SPRR2B: variants seen among roughly 807,000 people sequenced by gnomAD.
SPRR2B encodes small proline rich protein 2B, also known as small proline-rich protein 2B.
Under a neutral mutation model 1.0 loss-of-function variants are expected in SPRR2B, and 1 was observed. The observed-to-expected ratio is 1.01, with a 90% CI of 0.36 to 4.77. SPRR2B has a LOEUF of 4.77. Among genes scored for constraint, SPRR2B ranks in the 30% most tolerant of loss-of-function variants. The pLI is 0.16. For synonymous variants in SPRR2B, 27 were observed against 33.4 expected, an observed-to-expected ratio of 0.81 and a Z score of 0.66; for missense variants, 53 against 88.7, an observed-to-expected ratio of 0.60 and a Z score of 1.62.
chr1:153,087,718 A>G, the SPRR2B span, among the ~76,000 whole-genome samples: 1 of 152,168 alleles, frequency 6.6e-6, no homozygotes, highest in African/African-American at 2.4e-5. Context: ...TTGTGAAAGG[A>G]CCAATAATGA....
chr1:153,070,702 T>C lies in SPRR2B; in HGVS notation c.138A>G (p.Pro46=), dbSNP rs561294355. The change falls in exon 2 of 2, where the codon CCA becomes CCG. Residue 46 remains proline (P), a synonymous_variant. Transcript: ENST00000368755. ...GATATTTCTGCTGGCACTGCTGAGGTGGGCAGGGCTGTGGACACTTTGGTG... is the reference window on the plus strand; with the variant it reads ...GATATTTCTGCTGGCACTGCTGAGGCGGGCAGGGCTGTGGACACTTTGGTG... ...CPPPKCPQPC[P]PQQCQQKYPP... 1 of 1,610,646 alleles carries C rather than the reference T, an allele frequency of 6.2e-7. No individual in the cohort carries two copies. Among genetic ancestry groups the C allele is most frequent in the South Asian group, 1.1e-5 (1 of 90,784 alleles).
the SPRR2B span, among the ~76,000 whole-genome samples, chr1:153,084,528 C>G: frequency 7.0e-4 from 107 of 152,230 alleles, 1 homozygote; most frequent in Non-Finnish European, 1.2e-3. Context: ...AGCACCCTAC[C>G]CACATACCAA....
chr1:153,081,409 T>G, the SPRR2B span, among the ~76,000 whole-genome samples: 1 of 152,198 alleles, frequency 6.6e-6, no homozygotes, highest in Admixed American at 6.5e-5. Flanking sequence ...CTTAAAGCCC[T>G]AAAATAAAAC....
chr1:153,080,620 C>G, the SPRR2B span, among the ~76,000 whole-genome samples: 60,019 of 151,868 alleles, frequency 0.4, 12,283 homozygotes, highest in Non-Finnish European at 0.46. Flanking sequence ...AAAATTTGTA[C>G]AGTAAAGGCT....
the SPRR2B span, among the ~76,000 whole-genome samples, chr1:153,083,583 C>T: frequency 6.6e-6 from 1 of 152,140 alleles, no homozygotes; most frequent in African/African-American, 2.4e-5. Context: ...CAAGAGAAGA[C>T]CCAGAAGTTA....
chr1:153,079,130 T>C, the SPRR2B span, among the ~76,000 whole-genome samples: 1 of 152,262 alleles, frequency 6.6e-6, no homozygotes, highest in African/African-American at 2.4e-5. Context: ...TGAGCATTTT[T>C]TCACGTGTCT....
At chr1:153,074,143 T>C (rs1353484294), upstream of SPRR2B, among the ~76,000 whole-genome samples, 2 of 152,222 alleles carry the variant, frequency 1.3e-5, no homozygotes, top group Admixed American at 1.3e-4. Flanking sequence ...TCTATCTCTA[T>C]GATTTCATTA....
the SPRR2B span, among the ~76,000 whole-genome samples, chr1:153,084,637 C>T: frequency 1.3e-5 from 2 of 152,168 alleles, no homozygotes; most frequent in Admixed American, 1.3e-4. Context: ...CCCACAGAGG[C>T]AGGTACCCTA....
upstream of SPRR2B, among the ~76,000 whole-genome samples, chr1:153,071,838 G>A (rs193032352): frequency 2.0e-5 from 3 of 152,284 alleles, no homozygotes; most frequent in African/African-American, 7.2e-5. Context: ...TCTAACTGGT[G>A]GTCAAGGGCT....
the SPRR2B span, among the ~76,000 whole-genome samples, chr1:153,079,392 G>T: frequency 6.6e-6 from 1 of 152,180 alleles, no homozygotes; most frequent in African/African-American, 2.4e-5. Flanking sequence ...GTCAATTTTG[G>T]CTTTTGTTGA....
At chr1:153,085,258 T>A in the SPRR2B span, among the ~76,000 whole-genome samples, 1 of 151,684 alleles carries the variant, frequency 6.6e-6, no homozygotes, top group Non-Finnish European at 1.5e-5. Context: ...TGAAACCCAA[T>A]CCAAGGAAGC....
upstream of SPRR2B, among the ~76,000 whole-genome samples, chr1:153,074,304 C>G (rs762042549): frequency 2.0e-5 from 3 of 151,932 alleles, no homozygotes; most frequent in Non-Finnish European, 2.9e-5. Flanking sequence ...CATTTCAATA[C>G]TATACATTCC....
chr1:153,078,540 T>A, the SPRR2B span, among the ~76,000 whole-genome samples: 2 of 146,948 alleles, frequency 1.4e-5, no homozygotes, highest in Non-Finnish European at 1.5e-5. Flanking sequence ...CCGGCCCCAG[T>A]GTGTGACGTT....
At chr1:153,075,745 C>G (rs1443962333), upstream of SPRR2B, among the ~76,000 whole-genome samples, 1 of 152,154 alleles carries the variant, frequency 6.6e-6, no homozygotes, top group Non-Finnish European at 1.5e-5. Flanking sequence ...CTCTTTAAGA[C>G]CTTTTATATC....
the SPRR2B span, among the ~76,000 whole-genome samples, chr1:153,084,240 A>G: frequency 4.6e-5 from 7 of 152,150 alleles, no homozygotes; most frequent in Admixed American, 2.0e-4. Context: ...ATGTGAGTGC[A>G]TGAGTGGGTT....
the SPRR2B span, among the ~76,000 whole-genome samples, chr1:153,080,806 T>A: frequency 7.9e-5 from 12 of 152,332 alleles, no homozygotes; most frequent in Admixed American, 7.8e-4. Context: ...TAGTACATTT[T>A]AAAATATCTC....
chr1:153,073,230 G>A (rs1343254971), upstream of SPRR2B, among the ~76,000 whole-genome samples: 1 of 152,182 alleles, frequency 6.6e-6, no homozygotes, highest in Non-Finnish European at 1.5e-5. Context: ...TTTACAAACA[G>A]TGTTCTCACC....
At chr1:153,083,359 A>G in the SPRR2B span, among the ~76,000 whole-genome samples, 11 of 152,210 alleles carry the variant, frequency 7.2e-5, no homozygotes, top group Non-Finnish European at 1.5e-4. Context: ...CAAAAGCCAG[A>G]CAAAGACAAT....
chr1:153,076,941 T>C, the SPRR2B span, among the ~76,000 whole-genome samples: 47,013 of 152,096 alleles, frequency 0.31, 9,322 homozygotes, highest in Non-Finnish European at 0.45. Context: ...AAGTTAGAAA[T>C]GTCAGTCTTA....
Sources: allele counts gnomAD v4.1 joint callset (sites outside exome capture counted in the v4.1 genomes callset), GRCh38; gene constraint gnomAD v4.1.1; transcripts MANE v1.5; gene names NCBI Gene and HGNC (gene_info 2026-07-23, HGNC 2026-07-21).